NUP98: variants seen among roughly 807,000 people sequenced by gnomAD.
NUP98 encodes nuclear pore complex protein Nup98-Nup96.
Under a neutral mutation model 191.9 loss-of-function variants are expected in NUP98, and 26 were observed. The ratio of observed to expected loss-of-function variants is 0.14; its 90% CI spans 0.10 to 0.19. The LOEUF (loss-of-function observed/expected upper bound fraction) is 0.19. Among genes scored for constraint, NUP98 ranks in the 10% least tolerant of loss-of-function variants. NUP98 has a pLI of 1.00. For missense variants in NUP98, 1,941 were observed against 2,178.8 expected (o/e 0.89, Z 2.17); for synonymous variants, 808 against 778.4 (o/e 1.04, Z -0.63).
intron 15 of NUP98, among the ~76,000 whole-genome samples, chr11:3,724,619 G>A (rs71480403): frequency 1.3e-5 from 2 of 151,056 alleles, no homozygotes; most frequent in East Asian, 1.9e-4. Context: ...AAGGTGAAAC[G>A]CCGTCTCTAC....
intron 10 of NUP98, among the ~76,000 whole-genome samples, chr11:3,757,081 C>A (rs2957871): frequency 0.18 from 27,324 of 148,850 alleles, 2,644 homozygotes; most frequent in East Asian, 0.26. Flanking sequence ...GAGCGAGACT[C>A]CATCTCAAAA....
At chr11:3,697,820 T>TAAAAAAAAAAAAAAAAAAAAAAA (rs199874258) in intron 25 of NUP98, among the ~76,000 whole-genome samples, 1 of 97,156 alleles carries the variant, frequency 1.0e-5, no homozygotes, top group Non-Finnish European at 1.9e-5. Context: ...GACTCTGTCT[T>TAAAAAAAAAAAAAAAAAAAAAAA]AAAAAAAAAA....
Position 3,676,215 on chromosome 11 carries a change from C to T in NUP98, c.5347G>A (p.Glu1783Lys), listed in dbSNP as rs375996371. The T allele has an allele frequency of 1.9e-5, 30 of 1,614,056 alleles. 1 individual carries two copies. Among genetic ancestry groups the T allele is most frequent in the South Asian group, 1.2e-4 (11 of 91,090 alleles). Residue 1783 changes from glutamate to lysine, a missense_variant, in exon 33 of 33, where the codon GAA becomes AAA. Around this residue, in one of 6 missense-constraint regions of NUP98, gnomAD observed 1,030 missense variants for 1,115.8 expected, o/e 0.92. Transcript: ENST00000324932. ...TAGGACTGGGTAAGGCTGCGCAGTT[C>T]GTCCATGGCATAGTCCTCAGGCATG... is the stretch of plus-strand genomic sequence containing the variant. ...LPMPEDYAMD[E>K]LRSLTQSYLR...
rs549761882 is a variant in NUP98, at chr11:3,791,185, G to A, written c.-29+6215C>T. Among the ~76,000 whole-genome samples, 5 of 152,102 alleles carry A rather than the reference G, an allele frequency of 3.3e-5. No homozygotes were observed. The South Asian group carries it at 1.0e-3, about 32-fold the overall frequency. ...GCTGGGATTACAGGCGTGAGCCACT[G>A]CGCCCCGCCCACCATTTTAATTTCA... On this transcript the variant is annotated intron_variant, in intron 1 of 32. Transcript: ENST00000324932.
At chr11:3,756,585 G>A (rs1330373145) in intron 10 of NUP98, among the ~76,000 whole-genome samples, 12 of 150,620 alleles carry the variant, frequency 8.0e-5, no homozygotes, top group Non-Finnish European at 1.5e-5. Context: ...ACCATGCCCA[G>A]CTAATTTTTG....
At chr11:3,732,224 G>C (rs1275432475) in intron 13 of NUP98, among the ~76,000 whole-genome samples, 1 of 151,902 alleles carries the variant, frequency 6.6e-6, no homozygotes, top group Admixed American at 6.6e-5. Flanking sequence ...CTCCAGCCTG[G>C]GTGACAGAGC....
chr11:3,785,487 G>C (rs369465985), intron 1 of NUP98, among the ~76,000 whole-genome samples: 1 of 152,110 alleles, frequency 6.6e-6, no homozygotes, highest in Non-Finnish European at 1.5e-5. Flanking sequence ...GGCTGGATGC[G>C]GTGGCTCATG....
chr11:3,788,186 A>G (rs897589201), intron 1 of NUP98, among the ~76,000 whole-genome samples: 2 of 152,238 alleles, frequency 1.3e-5, no homozygotes, highest in African/African-American at 4.8e-5. Flanking sequence ...TAAATAGTCC[A>G]TAGCATCTTA....
chr11:3,770,156 C>T (rs924137609), intron 7 of NUP98, among the ~76,000 whole-genome samples: 3 of 151,814 alleles, frequency 2.0e-5, no homozygotes, highest in African/African-American at 7.3e-5. Context: ...ACCAGCCTGG[C>T]CAACATGGTG....
rs150796621 is a variant in NUP98, at chr11:3,705,217, G to A, written c.3065C>T (p.Ser1022Leu). The A allele has an allele frequency of 5.4e-4, 877 of 1,614,112 alleles. 4 individuals are homozygous for A. In the African/African-American group the frequency reaches 0.01, roughly 19 times the overall value. Residue 1022 changes from serine (S) to leucine (L), a missense_variant, in exon 22 of 33, where the codon TCG becomes TTG. By Grantham distance (145) the Ser-to-Leu change is moderately radical. Around this residue, in one of 6 missense-constraint regions of NUP98, gnomAD observed 1,030 missense variants for 1,115.8 expected, o/e 0.92. Transcript: ENST00000324932. Reference protein sequence around the residue: ...PRLPISASHSSKTRSLVGGLL... With the variant: ...PRLPISASHSLKTRSLVGGLL... Reference sequence around the variant, plus strand: ...TACTGTACCTAGTGAACGAGTTTTCGACGAGTGGGATGCTGAAATGGGGAG... The same window carrying A: ...TACTGTACCTAGTGAACGAGTTTTCAACGAGTGGGATGCTGAAATGGGGAG...
intron 7 of NUP98, 78 bp downstream of exon 7, chr11:3,771,670 T>G (rs2081537093): frequency 7.7e-7 from 1 of 1,293,054 alleles, no homozygotes; most frequent in Non-Finnish European, 1.1e-6. Context: ...ATAGCACTTA[T>G]CCCAAAATGG....
At chr11:3,679,736 G>C in intron 30 of NUP98, 28 bp from the exon 31 acceptor site, 1 of 1,602,266 alleles carries the variant, frequency 6.2e-7, no homozygotes, top group Non-Finnish European at 8.5e-7. Context: ...TGAGCACAAT[G>C]TCTGCACAAG....
chr11:3,725,164 G>A lies in NUP98; in HGVS notation c.1786C>T (p.Pro596Ser), dbSNP rs1401856137. The change falls in exon 15 of 33, where the codon CCT (proline) becomes TCT (serine). Residue 596 changes from proline to serine, a missense_variant. Transcript: ENST00000324932. ...KNLNNSNLFSPVNRDSENLAS... is the reference protein window; with the variant it reads ...KNLNNSNLFSSVNRDSENLAS... ...AGATTTTCTGAATCACGATTAACAG[G>A]AGAAAAGAGATTGCTATTATTAAGG... The A allele has an allele frequency of 6.2e-7, 1 of 1,602,302 alleles. No homozygotes were observed. Among genetic ancestry groups the A allele is most frequent in the Admixed American group, 1.7e-5 (1 of 59,764 alleles).
chr11:3,720,115 C>A (rs537481417), intron 17 of NUP98, among the ~76,000 whole-genome samples: 1 of 152,146 alleles, frequency 6.6e-6, no homozygotes, highest in Admixed American at 6.6e-5. Flanking sequence ...CTTCTTAAAT[C>A]TCTTCCCATT....
intron 14 of NUP98, among the ~76,000 whole-genome samples, chr11:3,726,229 C>T (rs190297818): frequency 1.1e-3 from 171 of 150,340 alleles, no homozygotes; most frequent in African/African-American, 4.0e-3. Context: ...AAGAGTTGAA[C>T]TAAAAGGAAA....
intron 23 of NUP98, among the ~76,000 whole-genome samples, chr11:3,701,837 C>G (rs1055122510): frequency 2.6e-5 from 4 of 152,074 alleles, no homozygotes; most frequent in African/African-American, 9.6e-5. Context: ...AGGCGCCTGC[C>G]ACAACGCCCA....
At chr11:3,795,068 A>G (rs1316886343) in intron 1 of NUP98, among the ~76,000 whole-genome samples, 8 of 152,226 alleles carry the variant, frequency 5.3e-5, no homozygotes, top group Admixed American at 5.2e-4. Flanking sequence ...CAAGAAAATA[A>G]TATAATTTTT....
chr11:3,709,827 AG>A (rs1450114308), intron 20 of NUP98, among the ~76,000 whole-genome samples: 3 of 392 alleles, frequency 7.7e-3, no homozygotes, highest in African/African-American at 0.012. Flanking sequence ...GGGTGGGGGG[AG>A]GGGGGAGGGG....
chr11:3,697,408 G>A (rs568856837), intron 25 of NUP98: 4 of 152,266 alleles, frequency 2.6e-5, no homozygotes, highest in Admixed American at 1.3e-4. Flanking sequence ...AAATCCAGTC[G>A]ATGGCTCCAA....
Sources: gnomAD v4.1 joint callset for allele counts (sites outside exome capture counted in the v4.1 genomes callset) on GRCh38, gnomAD v4.1.1 for gene constraint, gnomAD v4.1.1 regional missense constraint, MANE v1.5 for transcripts, NCBI Gene and HGNC (gene_info 2026-07-23, HGNC 2026-07-21) for gene names.